YEATS2: variants seen among roughly 807,000 people sequenced by gnomAD.
The protein encoded by YEATS2 is YEATS domain containing 2.
A neutral mutation model predicts 163.2 loss-of-function variants in YEATS2; 77 were observed. That is an observed-to-expected ratio of 0.47 (90% confidence interval 0.39 to 0.57). YEATS2 has a LOEUF of 0.57. YEATS2 is among the 20% of genes least tolerant of loss of function. The pLI, the probability that YEATS2 is intolerant of heterozygous loss-of-function variation, is 0.00. For synonymous variants in YEATS2, 631 were observed against 645.1 expected, an observed-to-expected ratio of 0.98 and a Z score of 0.33; for missense variants, 1,549 against 1,729.8, an observed-to-expected ratio of 0.90 and a Z score of 1.85.
At chr3:183,783,682 G>T (rs140697062) in intron 19 of YEATS2, among the ~76,000 whole-genome samples, 120 of 152,230 alleles carry the variant, frequency 7.9e-4, no homozygotes, top group African/African-American at 2.5e-3. Context: ...ATTCACTTAG[G>T]ATAATGGCCT....
chr3:183,761,367 G>A (rs982223605), intron 13 of YEATS2, 140 bp from the exon 14 acceptor site: 33 of 774,984 alleles, frequency 4.3e-5, no homozygotes, highest in Admixed American at 2.1e-4. Context: ...GAGTACAGGC[G>A]TGAGCTACCG....
chr3:183,762,025 G>A, intron 14 of YEATS2, 72 bp from the exon 15 acceptor site: 2 of 1,591,630 alleles, frequency 1.3e-6, no homozygotes, highest in Non-Finnish European at 1.7e-6. Flanking sequence ...ACGGAGAAGA[G>A]TCAGATATTA....
Position 183,777,563 on chromosome 3 carries a change from C to T in YEATS2, c.2599C>T (p.Pro867Ser). The change falls in exon 19 of 31, where the codon CCA becomes TCA. Residue 867 changes from proline to serine, a missense_variant. Coordinates refer to ENST00000305135, the MANE Select transcript of YEATS2 (RefSeq NM_018023.5). ...TPQGTFLVGQ[P>S]SPQTSGKQLT... is the part of the protein sequence containing the mutation. ...TTAGGGCACATTTTTAGTTGGCCAGCCATCACCCCAGACTTCTGGAAAACA... is the reference window on the plus strand; with the variant it reads ...TTAGGGCACATTTTTAGTTGGCCAGTCATCACCCCAGACTTCTGGAAAACA... 6.2e-7 allele frequency: 1 copy of T among 1,612,398 alleles called. No homozygotes were observed. Among genetic ancestry groups the T allele is most frequent in the South Asian group, 1.1e-5 (1 of 90,578 alleles).
chr3:183,731,452 C>T (rs1717772813), intron 7 of YEATS2, among the ~76,000 whole-genome samples: 1 of 152,104 alleles, frequency 6.6e-6, no homozygotes, highest in Non-Finnish European at 1.5e-5. Flanking sequence ...ACATAAAATA[C>T]TTAAAAATGC....
chr3:183,725,693 TC>T (rs1409927490), intron 6 of YEATS2, among the ~76,000 whole-genome samples: 1 of 152,164 alleles, frequency 6.6e-6, no homozygotes, highest in African/African-American at 2.4e-5. Context: ...CTGCGTCCCT[TC>T]CAGGACGTGT....
chr3:183,797,849 G>A, intron 21 of YEATS2, 74 bp from the exon 22 acceptor site: 1 of 1,587,814 alleles, frequency 6.3e-7, no homozygotes, highest in Non-Finnish European at 8.6e-7. Context: ...ACAAAATATG[G>A]GTAGCACAGA....
At chr3:183,762,348 G>A in intron 15 of YEATS2, 69 bp downstream of exon 15, 1 of 1,495,864 alleles carries the variant, frequency 6.7e-7, no homozygotes, top group South Asian at 1.3e-5. Flanking sequence ...ATTGACAAGT[G>A]CTGAAAAGAT....
intron 7 of YEATS2, among the ~76,000 whole-genome samples, chr3:183,731,514 G>T (rs186709303): frequency 1.3e-5 from 2 of 152,230 alleles, no homozygotes; most frequent in East Asian, 3.9e-4. Flanking sequence ...ATGAGAATTT[G>T]TAAAACACAT....
At chr3:183,730,660 G>T (rs1367726973) in intron 7 of YEATS2, among the ~76,000 whole-genome samples, 9 of 152,170 alleles carry the variant, frequency 5.9e-5, no homozygotes, top group African/African-American at 2.2e-4. Flanking sequence ...AATTGCAACA[G>T]AGGACAAGCA....
chr3:183,761,387 A>G, intron 13 of YEATS2, 120 bp from the exon 14 acceptor site: 1 of 982,132 alleles, frequency 1.0e-6, no homozygotes, highest in Non-Finnish European at 1.6e-6. Context: ...GCACCCAGCC[A>G]GTCTTTTTAT....
Position 183,702,877 on chromosome 3 carries a change from T to C in YEATS2, c.-20+4884T>C, listed in dbSNP as rs374617282. ...GGTAAAAGTTACCTAAAGTCAGCTT[T>C]CCAGGTGCATTAATGGAGAGAAGCA... On this transcript the variant is annotated intron_variant, in intron 1 of 30. Transcript: ENST00000305135. Among the ~76,000 whole-genome samples, 18 of 152,112 alleles carry C rather than the reference T, an allele frequency of 1.2e-4. 1 individual carries two copies. Among genetic ancestry groups the C allele is most frequent in the Admixed American group, 5.3e-4 (8 of 15,238 alleles).
At chr3:183,698,686 T>C (rs1459511919) in intron 1 of YEATS2, among the ~76,000 whole-genome samples, 4 of 152,224 alleles carry the variant, frequency 2.6e-5, no homozygotes, top group African/African-American at 7.2e-5. Context: ...AGTTTGATGT[T>C]GGCTAGTATT....
At chr3:183,749,021 C>T (rs1719868012) in intron 9 of YEATS2, among the ~76,000 whole-genome samples, 1 of 152,102 alleles carries the variant, frequency 6.6e-6, no homozygotes, top group Admixed American at 6.6e-5. Context: ...CCACTCACTG[C>T]AAGCTCCGCC....
chr3:183,788,286 ACTCC>A (rs957275855), intron 20 of YEATS2, among the ~76,000 whole-genome samples: 1 of 149,690 alleles, frequency 6.7e-6, no homozygotes, highest in Non-Finnish European at 1.5e-5. Context: ...AACCATCCCC[ACTCC>A]CTCCCTCCCT....
In YEATS2 at chr3:183,752,115, T is replaced by C. The variant is rs747927153; in HGVS notation, c.1012T>C (p.Cys338Arg). 5.6e-6 allele frequency: 9 copies of C among 1,614,174 alleles called. No homozygotes were observed. Among genetic ancestry groups the C allele is most frequent in the Non-Finnish European group, 6.8e-6 (8 of 1,180,020 alleles). Residue 338 changes from cysteine (C) to arginine (R), a missense_variant, in exon 10 of 31, where the codon TGT becomes CGT. Transcript: ENST00000305135. ...ELHRHSLGED[C>R]IYPQSSESDI... ...CCATCGCCATTCTCTCGGAGAAGACTGTATCTATCCTCAGTCCTCGGAGTC... is the reference window on the plus strand; with the variant it reads ...CCATCGCCATTCTCTCGGAGAAGACCGTATCTATCCTCAGTCCTCGGAGTC...
intron 19 of YEATS2, among the ~76,000 whole-genome samples, chr3:183,778,802 ACTGT>A (rs1255702003): frequency 6.6e-6 from 1 of 152,076 alleles, no homozygotes; most frequent in Non-Finnish European, 1.5e-5. Flanking sequence ...TAGAATTGGT[ACTGT>A]TTCTTAACTG....
At chr3:183,809,234 C>A in intron 30 of YEATS2, 64 bp downstream of exon 30, 1 of 1,538,838 alleles carries the variant, frequency 6.5e-7, no homozygotes, top group Non-Finnish European at 9.0e-7. Context: ...TTGAATTGCC[C>A]ATGAAGGTGT....
At chr3:183,757,240 A>T (rs1447519211) in intron 12 of YEATS2, among the ~76,000 whole-genome samples, 1 of 152,086 alleles carries the variant, frequency 6.6e-6, no homozygotes, top group Non-Finnish European at 1.5e-5. Context: ...GCTTTCTCTA[A>T]CATTATTTTA....
rs547751059 is a variant in YEATS2, at chr3:183,752,007, C to T, written c.970-66C>T. 2.7e-4 allele frequency: 428 copies of T among 1,559,938 alleles called. No homozygotes were observed. The East Asian group carries it at 4.6e-3, about 17-fold the overall frequency. ...ACATCCCGGAGATTACATTCTTGGACGGGACTTGAGCTTTCTGTGACATTG... is the reference window on the plus strand; with the variant it reads ...ACATCCCGGAGATTACATTCTTGGATGGGACTTGAGCTTTCTGTGACATTG... On this transcript the variant is annotated intron_variant, in intron 9 of 30. Transcript: ENST00000305135.
Sources: allele counts gnomAD v4.1 joint callset (sites outside exome capture counted in the v4.1 genomes callset), GRCh38; gene constraint gnomAD v4.1.1; transcripts MANE v1.5; gene names NCBI Gene and HGNC (gene_info 2026-07-23, HGNC 2026-07-21).